Variants in TENM3 observed in about 807,000 individuals in gnomAD.
The protein encoded by TENM3 is teneurin-3.
A neutral mutation model predicts 255.1 loss-of-function variants in TENM3; 63 were observed. That is an observed-to-expected ratio of 0.25 (90% CI 0.20 to 0.30). The LOEUF is 0.30. Ranked by LOEUF, TENM3 falls within the 10% of genes least tolerant of loss-of-function variation. The pLI is 1.00. For missense variants in TENM3, 2,929 were observed against 3,461.1 expected (o/e 0.85, Z 3.86); for synonymous variants, 1,306 against 1,322.3 (o/e 0.99, Z 0.27).
the TENM3 span, among the ~76,000 whole-genome samples, chr4:181,821,912 G>A: frequency 1.3e-5 from 2 of 152,266 alleles, 1 homozygote; most frequent in African/African-American, 4.8e-5. Context: ...AATAGATCAC[G>A]TTTCTATCAT....
the TENM3 span, among the ~76,000 whole-genome samples, chr4:182,053,727 C>T: frequency 6.6e-6 from 1 of 152,204 alleles, no homozygotes; most frequent in Non-Finnish European, 1.5e-5. Context: ...TTTTGTATTT[C>T]ACCACAGGGC....
intron 1 of TENM3, among the ~76,000 whole-genome samples, chr4:182,150,040 C>T (rs181049802): frequency 8.5e-4 from 129 of 152,040 alleles, no homozygotes; most frequent in African/African-American, 3.0e-3. Flanking sequence ...AGTATATTCT[C>T]AAATATTGTG....
the TENM3 span, among the ~76,000 whole-genome samples, chr4:182,058,221 T>C: frequency 6.6e-6 from 1 of 151,836 alleles, no homozygotes; most frequent in Admixed American, 6.6e-5. Context: ...TGGAATACAT[T>C]TGATTTTATC....
the TENM3 span, among the ~76,000 whole-genome samples, chr4:181,760,198 T>A: frequency 6.6e-6 from 1 of 150,822 alleles, no homozygotes; most frequent in Admixed American, 6.6e-5. Flanking sequence ...CCCCTCTTCC[T>A]CCAAAAAAAA....
the TENM3 span, among the ~76,000 whole-genome samples, chr4:181,592,465 C>T: frequency 2.0e-5 from 3 of 151,484 alleles, no homozygotes; most frequent in Non-Finnish European, 4.4e-5. Flanking sequence ...GAGGACCGGT[C>T]GCGAAGCCCA....
At chr4:182,486,631 A>T (rs1431877842) in intron 3 of TENM3, among the ~76,000 whole-genome samples, 1 of 152,188 alleles carries the variant, frequency 6.6e-6, no homozygotes, top group African/African-American at 2.4e-5. Context: ...CCAGGATCAC[A>T]AAAGCCACAG....
At chr4:181,729,425 G>A in the TENM3 span, among the ~76,000 whole-genome samples, 2 of 152,160 alleles carry the variant, frequency 1.3e-5, no homozygotes, top group African/African-American at 4.8e-5. Flanking sequence ...ATCAAAGAAT[G>A]TAGCAGAAGC....
the TENM3 span, among the ~76,000 whole-genome samples, chr4:181,684,152 G>T: frequency 6.6e-6 from 1 of 152,146 alleles, no homozygotes; most frequent in African/African-American, 2.4e-5. Flanking sequence ...ACCTCCAGGT[G>T]CTTATTTAAC....
the TENM3 span, among the ~76,000 whole-genome samples, chr4:181,527,625 G>GT: frequency 0.014 from 1,805 of 128,322 alleles, 23 homozygotes; most frequent in African/African-American, 0.035. Flanking sequence ...GCCAGGTTTT[G>GT]TTTTTTTTTT....
the TENM3 span, among the ~76,000 whole-genome samples, chr4:182,135,042 C>T: frequency 6.6e-6 from 1 of 151,494 alleles, no homozygotes; most frequent in Non-Finnish European, 1.5e-5. Flanking sequence ...CCCATCTCTA[C>T]TAAAAATACA....
chr4:181,695,651 C>G, the TENM3 span, among the ~76,000 whole-genome samples: 6 of 152,158 alleles, frequency 3.9e-5, no homozygotes, highest in African/African-American at 1.4e-4. Flanking sequence ...GTGTTCATAT[C>G]TTCTCCTAGG....
the TENM3 span, among the ~76,000 whole-genome samples, chr4:181,532,522 A>G: frequency 6.6e-6 from 1 of 152,222 alleles, no homozygotes; most frequent in Non-Finnish European, 1.5e-5. Flanking sequence ...GAAAATGTTC[A>G]ATAGCAAATG....
chr4:182,476,784 G>A (rs185965316), intron 3 of TENM3, among the ~76,000 whole-genome samples: 1 of 152,246 alleles, frequency 6.6e-6, no homozygotes, highest in African/African-American at 2.4e-5. Context: ...ACTTATTATC[G>A]ATGGGAGAAG....
chr4:181,742,847 C>T, the TENM3 span, among the ~76,000 whole-genome samples: 108 of 141,520 alleles, frequency 7.6e-4, no homozygotes, highest in African/African-American at 2.7e-3. Context: ...CCACAACAGT[C>T]CCCAGAGTGT....
chr4:182,628,136 C>G (rs1212950733), intron 4 of TENM3, among the ~76,000 whole-genome samples: 3 of 152,098 alleles, frequency 2.0e-5, no homozygotes, highest in African/African-American at 7.2e-5. Flanking sequence ...AGAAGCAGGC[C>G]AAGAGGACAG....
At chr4:182,236,531 T>C (rs541383728) in intron 1 of TENM3, among the ~76,000 whole-genome samples, 1 of 152,380 alleles carries the variant, frequency 6.6e-6, no homozygotes, top group South Asian at 2.1e-4. Flanking sequence ...TTTCACATGA[T>C]TTTGTAGTGG....
chr4:181,599,608 T>C, the TENM3 span, among the ~76,000 whole-genome samples: 2 of 152,220 alleles, frequency 1.3e-5, no homozygotes, highest in Non-Finnish European at 2.9e-5. Context: ...AAGTAATTAA[T>C]ATAGCTCTCT....
intron 3 of TENM3, among the ~76,000 whole-genome samples, chr4:182,590,750 G>C (rs376070173): frequency 7.7e-4 from 110 of 143,386 alleles, no homozygotes; most frequent in African/African-American, 2.7e-3. Flanking sequence ...AACTACTCGG[G>C]GGGCAGGAGA....
chr4:181,910,590 GTA>G, the TENM3 span, among the ~76,000 whole-genome samples: 92,045 of 142,658 alleles, frequency 0.65, 30,299 homozygotes, highest in Middle Eastern at 0.77. Flanking sequence ...ATATGTATTT[GTA>G]TATATATATA....
Sources: gnomAD v4.1 joint callset for allele counts (sites outside exome capture counted in the v4.1 genomes callset) on GRCh38, gnomAD v4.1.1 for gene constraint, MANE v1.5 for transcripts, NCBI Gene and HGNC (gene_info 2026-07-23, HGNC 2026-07-21) for gene names.